Variants in SPADH observed in about 807,000 individuals in gnomAD.
SPADH encodes the protein CUB domain-containing protein.
At chr10:122,675,900 C>G in the SPADH span, among the ~76,000 whole-genome samples, 8 of 152,220 alleles carry the variant, frequency 5.3e-5, no homozygotes, top group East Asian at 1.9e-4. Context: ...CCAAGCCCCC[C>G]CGAAGTCTCC....
At chr10:122,679,045 T>A in the SPADH span, 3 of 984,172 alleles carry the variant, frequency 3.0e-6, no homozygotes, top group African/African-American at 5.2e-5. Flanking sequence ...GGTCAACACA[T>A]TAATAGGAAG....
At chr10:122,674,347 G>C in the SPADH span, among the ~76,000 whole-genome samples, 2 of 152,244 alleles carry the variant, frequency 1.3e-5, no homozygotes, top group Non-Finnish European at 2.9e-5. Flanking sequence ...TGTGGTTAGT[G>C]ATTGTTAAGT....
chr10:122,678,958 C>T, the SPADH span: 2 of 984,730 alleles, frequency 2.0e-6, no homozygotes, highest in African/African-American at 3.5e-5. Flanking sequence ...CTTCTTCCAA[C>T]ATCATCACCA....
chr10:122,676,830 T>C, the SPADH span: 3 of 985,186 alleles, frequency 3.0e-6, no homozygotes, highest in South Asian at 1.4e-4. Context: ...GAAAACTGAA[T>C]GCGTCTGGAT....
the SPADH span, chr10:122,672,961 C>T: frequency 1.0e-6 from 1 of 983,422 alleles, no homozygotes; most frequent in Non-Finnish European, 1.2e-6. Context: ...TCTTCTGGGC[C>T]TCGCACTGTT....
At chr10:122,678,212 A>T in the SPADH span, among the ~76,000 whole-genome samples, 1 of 152,138 alleles carries the variant, frequency 6.6e-6, no homozygotes, top group Non-Finnish European at 1.5e-5. Context: ...TTAGGACTGG[A>T]AAAGCACAGG....
At chr10:122,675,851 C>T in the SPADH span, among the ~76,000 whole-genome samples, 14 of 152,248 alleles carry the variant, frequency 9.2e-5, no homozygotes, top group South Asian at 2.7e-3. Context: ...CCTCTCAGTG[C>T]TCCCCTCCAT....
chr10:122,673,069 T>G, the SPADH span: 1 of 289,872 alleles, frequency 3.4e-6, no homozygotes, highest in Non-Finnish European at 5.1e-6. Context: ...ACAGAATGTT[T>G]CACTTAGTGC....
the SPADH span, among the ~76,000 whole-genome samples, chr10:122,676,471 T>C: frequency 6.6e-6 from 1 of 152,164 alleles, no homozygotes. Context: ...AATCGGGCAA[T>C]ACGATTGGTG....
the SPADH span, among the ~76,000 whole-genome samples, chr10:122,675,311 T>C: frequency 6.6e-6 from 1 of 152,220 alleles, no homozygotes. Context: ...AGCAGTCATT[T>C]CTGACCATGG....
chr10:122,679,324 G>C, the SPADH span, among the ~76,000 whole-genome samples: 1 of 152,064 alleles, frequency 6.6e-6, no homozygotes, highest in Non-Finnish European at 1.5e-5. Context: ...TGATATAGAA[G>C]TGGGTATCTC....
the SPADH span, chr10:122,676,881 C>A: frequency 4.1e-6 from 4 of 985,338 alleles, no homozygotes; most frequent in Non-Finnish European, 4.8e-6. Flanking sequence ...GGTGGCCATT[C>A]CAGACCTCAA....
chr10:122,675,531 C>A, the SPADH span: 1 of 235,726 alleles, frequency 4.2e-6, no homozygotes, highest in East Asian at 1.8e-4. Context: ...CAGCTCTGTC[C>A]CTTTGCACTC....
the SPADH span, among the ~76,000 whole-genome samples, chr10:122,676,070 C>G: frequency 1.3e-5 from 2 of 152,230 alleles, no homozygotes; most frequent in Non-Finnish European, 2.9e-5. Context: ...CTCCCTCTAA[C>G]CTGCTTCCTC....
the SPADH span, among the ~76,000 whole-genome samples, chr10:122,678,454 A>G: frequency 2.8e-4 from 42 of 152,290 alleles, no homozygotes; most frequent in African/African-American, 9.9e-4. Context: ...TTGTCCTGAC[A>G]CAGAGGTTGT....
chr10:122,678,537 A>G, the SPADH span, among the ~76,000 whole-genome samples: 1 of 152,080 alleles, frequency 6.6e-6, no homozygotes, highest in African/African-American at 2.4e-5. Flanking sequence ...TGATGTTTTG[A>G]CTAAAATTCC....
At chr10:122,674,840 A>G in the SPADH span, among the ~76,000 whole-genome samples, 1 of 152,228 alleles carries the variant, frequency 6.6e-6, no homozygotes, top group Non-Finnish European at 1.5e-5. Flanking sequence ...TGCCCATTGT[A>G]TAGATGAGTG....
the SPADH span, chr10:122,675,743 A>AAAC: frequency 1.8e-6 from 1 of 550,966 alleles, no homozygotes; most frequent in Non-Finnish European, 2.3e-6. Context: ...TTGAAATCCA[A>AAAC]ATGGATCAAT....
At chr10:122,678,932 A>G in the SPADH span, 1 of 984,302 alleles carries the variant, frequency 1.0e-6, no homozygotes. Context: ...TAAAGCCTTC[A>G]GTACATTCTA....
Sources: allele counts gnomAD v4.1 joint callset (sites outside exome capture counted in the v4.1 genomes callset), GRCh38; gene constraint gnomAD v4.1.1; transcripts MANE v1.5; gene names NCBI Gene and HGNC (gene_info 2026-07-23, HGNC 2026-07-21).